Variants in SP100 observed in about 807,000 individuals in gnomAD.
The protein encoded by SP100 is SP100 nuclear body protein, also known as nuclear autoantigen Sp-100.
In SP100, 84 loss-of-function variants were observed where a neutral mutation model predicts 130.0. The ratio of observed to expected loss-of-function variants is 0.65; its 90% CI spans 0.54 to 0.77. The LOEUF (loss-of-function observed/expected upper bound fraction) is 0.77. Ranked by LOEUF, SP100 falls within the 30% of genes least tolerant of loss-of-function variation. The probability of loss-of-function intolerance (pLI) is 0.00; values close to 1 mark genes in which losing one functional copy is unlikely to be tolerated. For synonymous variants in SP100, 331 were observed against 351.7 expected, an observed-to-expected ratio of 0.94 and a Z score of 0.66; for missense variants, 978 against 1,052.2, an observed-to-expected ratio of 0.93 and a Z score of 0.97.
chr2:230,494,744 C>G (rs1462985801), intron 18 of SP100, among the ~76,000 whole-genome samples: 1 of 152,116 alleles, frequency 6.6e-6, no homozygotes, highest in Admixed American at 6.5e-5. Context: ...GACATTGTCT[C>G]CCAACCAGTG....
intron 2 of SP100, chr2:230,440,642 A>G (rs2063439980): frequency 3.2e-6 from 4 of 1,257,726 alleles, no homozygotes; most frequent in African/African-American, 1.6e-5. Context: ...TGTAGCTTCA[A>G]TTCAAATCCA....
At chr2:230,468,673 G>A (rs934595198) in intron 13 of SP100, among the ~76,000 whole-genome samples, 3 of 151,798 alleles carry the variant, frequency 2.0e-5, no homozygotes, top group Non-Finnish European at 2.9e-5. Context: ...AAATTAGCTG[G>A]GCATGGTGGT....
chr2:230,482,260 A>G (rs1327079704), intron 17 of SP100, among the ~76,000 whole-genome samples: 1 of 152,136 alleles, frequency 6.6e-6, no homozygotes, highest in African/African-American at 2.4e-5. Flanking sequence ...GAACATCTTG[A>G]CCAATAAAGT....
At chr2:230,489,281 T>C (rs1312720262) in intron 17 of SP100, among the ~76,000 whole-genome samples, 1 of 152,242 alleles carries the variant, frequency 6.6e-6, no homozygotes, top group Non-Finnish European at 1.5e-5. Context: ...TTTATCCATT[T>C]CTTCTAGATT....
intron 17 of SP100, among the ~76,000 whole-genome samples, chr2:230,477,944 C>CAAAAA (rs1481252977): frequency 2.2e-5 from 3 of 134,522 alleles, no homozygotes; most frequent in African/African-American, 8.4e-5. Context: ...CAAAACAAAA[C>CAAAAA]AAACAAAAAA....
rs529038007 is a variant in SP100, at chr2:230,450,335, T to G, written c.820+80T>G. On this transcript the variant is annotated intron_variant, in intron 8 of 28. Transcript: ENST00000340126. ...ATTTGGTTGGTTGGTTGGTTGGTTG[T>G]TGTTTTACCATCGTAACCACTTTTT... is the stretch of plus-strand genomic sequence containing the variant. The G allele has an allele frequency of 9.9e-6, 10 of 1,011,344 alleles. 1 individual carries two copies. The highest frequency in any genetic ancestry group is 8.4e-5 in the South Asian group (6 of 71,556). 62.6% of individuals were successfully genotyped at this position (1,011,344 alleles called of 1,614,324 possible).
rs1420498114 is a variant in SP100 at position 230,417,608 on chromosome 2, T to G, written c.50T>G (p.Ile17Ser). 6.2e-7 allele frequency: 1 copy of G among 1,613,080 alleles called. No homozygotes were observed. Among genetic ancestry groups the G allele is most frequent in the East Asian group, 2.2e-5 (1 of 44,810 alleles). ...DLSTRRLNEC[I>S]SPVANEMNHL... ...CTTTCTAGGAGGCTGAATGAATGTATTTCACCAGTAGCAAATGAGATGAAC... is the reference window on the plus strand; with the variant it reads ...CTTTCTAGGAGGCTGAATGAATGTAGTTCACCAGTAGCAAATGAGATGAAC... The change falls in exon 2 of 29, where the codon ATT becomes AGT. Residue 17 changes from isoleucine to serine, a missense_variant. Ile to Ser is a moderately radical substitution (Grantham distance 142). Coordinates refer to ENST00000340126, the MANE Select transcript of SP100 (RefSeq NM_001080391.2).
At chr2:230,483,691 G>A (rs1013318281) in intron 17 of SP100, among the ~76,000 whole-genome samples, 15 of 152,128 alleles carry the variant, frequency 9.9e-5, no homozygotes, top group South Asian at 4.1e-4. Flanking sequence ...CAGTGGAAGC[G>A]TTCAAAAGTG....
intron 2 of SP100, among the ~76,000 whole-genome samples, chr2:230,421,454 T>C (rs2062765882): frequency 6.6e-6 from 1 of 151,836 alleles, no homozygotes; most frequent in African/African-American, 2.4e-5. Context: ...CTCATTTTGG[T>C]TTACCACATT....
intron 24 of SP100, among the ~76,000 whole-genome samples, chr2:230,532,428 A>G (rs943211076): frequency 1.2e-4 from 19 of 152,106 alleles, no homozygotes; most frequent in African/African-American, 2.2e-4. Context: ...TTCAGAAAAT[A>G]TTGGCCTATC....
intron 24 of SP100, among the ~76,000 whole-genome samples, chr2:230,522,195 T>C (rs1691202134): frequency 6.6e-6 from 1 of 152,188 alleles, no homozygotes; most frequent in Non-Finnish European, 1.5e-5. Flanking sequence ...ACTGTTTTAG[T>C]TGGGACAGTC....
chr2:230,492,819 T>C (rs1384426127), intron 17 of SP100, among the ~76,000 whole-genome samples: 2 of 152,188 alleles, frequency 1.3e-5, no homozygotes, highest in African/African-American at 2.4e-5. Flanking sequence ...AAATTATGTG[T>C]TTGTGTTATT....
rs140582230 is a variant in SP100 at position 230,422,274 on chromosome 2, G to C, written c.107+4609G>C. ...TCTTCCAAGGTTGTTTTAAGTGTTA[G>C]TTCCTTCCAGGTTTCTTTCCCAGCT... is the stretch of plus-strand genomic sequence containing the variant. On this transcript the variant is annotated intron_variant, in intron 2 of 28. Coordinates refer to ENST00000340126, the MANE Select transcript of SP100 (RefSeq NM_001080391.2). Among the ~76,000 whole-genome samples the C allele has an allele frequency of 1.7e-3, 252 of 152,100 alleles. 3 individuals are homozygous for C. The highest frequency in any genetic ancestry group is 5.9e-3 in the African/African-American group (244 of 41,488).
chr2:230,462,870 A>G (rs1575660249), intron 10 of SP100, among the ~76,000 whole-genome samples: 1 of 152,226 alleles, frequency 6.6e-6, no homozygotes, highest in Admixed American at 6.5e-5. Flanking sequence ...TGATTTTTAT[A>G]GAGAACAGAA....
At position 230,450,267 on chromosome 2, in the gene SP100, T is replaced by C; in HGVS notation, c.820+12T>C. On this transcript the variant is annotated intron_variant, in intron 8 of 28. Coordinates refer to ENST00000340126, the MANE Select transcript of SP100 (RefSeq NM_001080391.2). ...CTGTGATGAAGAAAGTAATTATTGC[T>C]TACCTTGCCTATTTTCTTTCCTTTC... The C allele has an allele frequency of 6.3e-7, 1 of 1,592,266 alleles. No homozygotes were observed. The highest frequency in any genetic ancestry group is 8.6e-7 in the Non-Finnish European group (1 of 1,161,022).
intron 2 of SP100, among the ~76,000 whole-genome samples, chr2:230,442,459 A>G (rs893322568): frequency 3.9e-5 from 6 of 152,206 alleles, no homozygotes; most frequent in African/African-American, 1.4e-4. Context: ...TTAATGATGT[A>G]GGATTATATT....
At chr2:230,518,043 GC>G (rs1691008367) in intron 24 of SP100, among the ~76,000 whole-genome samples, 1 of 151,948 alleles carries the variant, frequency 6.6e-6, no homozygotes, top group Admixed American at 6.6e-5. Context: ...TTTGCGAAAC[GC>G]TTGGACTTTT....
intron 17 of SP100, among the ~76,000 whole-genome samples, chr2:230,475,412 A>G (rs955919315): frequency 2.6e-5 from 4 of 151,998 alleles, no homozygotes; most frequent in African/African-American, 7.3e-5. Context: ...GATTTGTTTA[A>G]GTTCCTTGTA....
rs2067129299 is a variant in SP100, at chr2:230,503,127, GAT to G, written c.1765+20_1765+21del. The G allele has an allele frequency of 1.3e-6, 2 of 1,547,742 alleles. No homozygotes were observed. The highest frequency in any genetic ancestry group is 2.3e-5 in the East Asian group (1 of 44,382). On this transcript the variant is annotated intron_variant, in intron 20 of 28. Transcript: ENST00000340126. ...GAAAAAGAGGTAAATAGAAGTGATC[GAT>G]ATGTTTTTCATAATTAAACATTTAA... is the stretch of plus-strand genomic sequence containing the variant.
Sources: gnomAD v4.1 joint callset for allele counts (sites outside exome capture counted in the v4.1 genomes callset) on GRCh38, gnomAD v4.1.1 for gene constraint, MANE v1.5 for transcripts, NCBI Gene and HGNC (gene_info 2026-07-23, HGNC 2026-07-21) for gene names.